FCHO2: variants seen among roughly 807,000 people sequenced by gnomAD.
The protein encoded by FCHO2 is F-BAR domain only protein 2.
A neutral mutation model predicts 114.1 loss-of-function variants in FCHO2; 43 were observed. The ratio of observed to expected loss-of-function variants is 0.38; its 90% CI spans 0.30 to 0.49. FCHO2 has a LOEUF of 0.49. FCHO2 is among the 20% of genes least tolerant of loss of function. The pLI is 0.97. For synonymous variants in FCHO2, 293 were observed against 315.2 expected (o/e 0.93, Z 0.75); for missense variants, 807 against 950.4 (o/e 0.85, Z 1.98).
chr5:73,024,262 A>G (rs776559909), intron 8 of FCHO2, among the ~76,000 whole-genome samples: 8 of 151,874 alleles, frequency 5.3e-5, no homozygotes, highest in Non-Finnish European at 1.0e-4. Context: ...GAATCTTACT[A>G]TGTTGTTCAG....
chr5:72,982,366 C>T (rs578074277), intron 2 of FCHO2, among the ~76,000 whole-genome samples: 20 of 152,322 alleles, frequency 1.3e-4, no homozygotes, highest in Non-Finnish European at 2.1e-4. Context: ...GCCATCTTGC[C>T]AGCTGCCCCC....
chr5:73,074,733 A>G lies in FCHO2; in HGVS notation c.1580-9A>G. ...GAAGGATTTAACAAGTTAATTGTGT[A>G]TATTCTAGGTGTGTCACGGGGTCCC... On this transcript the variant is annotated splice_polypyrimidine_tract_variant and intron_variant, in intron 19 of 25. Transcript: ENST00000430046. The G allele has an allele frequency of 1.2e-6, 2 of 1,606,996 alleles. No individual in the cohort carries two copies. Among genetic ancestry groups the G allele is most frequent in the Non-Finnish European group, 1.7e-6 (2 of 1,175,670 alleles).
chr5:73,051,377 A>G lies in FCHO2; in HGVS notation c.968A>G (p.Tyr323Cys), dbSNP rs1166150880. The change falls in exon 12 of 26, where the codon TAC becomes TGC. Residue 323 changes from tyrosine (Y) to cysteine (C), a missense_variant. Physicochemically the swap from Tyr to Cys is radical, Grantham distance 194. Transcript: ENST00000430046. ...LNIPDVDEEGYSIKPETNQND... is the reference protein window; with the variant it reads ...LNIPDVDEEGCSIKPETNQND... Reference sequence around the variant, plus strand: ...ATTCCTGATGTAGATGAAGAAGGCTACAGTATTAAACCAGAAACAAATCAG... The same window carrying G: ...ATTCCTGATGTAGATGAAGAAGGCTGCAGTATTAAACCAGAAACAAATCAG... 2 of 1,534,416 alleles carry G rather than the reference A, an allele frequency of 1.3e-6. No individual in the cohort carries two copies. Among genetic ancestry groups the G allele is most frequent in the Non-Finnish European group, 1.8e-6 (2 of 1,134,144 alleles).
At chr5:73,037,504 A>G (rs2112800922) in intron 10 of FCHO2, among the ~76,000 whole-genome samples, 1 of 152,216 alleles carries the variant, frequency 6.6e-6, no homozygotes, top group East Asian at 1.9e-4. Context: ...TGATAAATGC[A>G]TATTTTAAAA....
intron 24 of FCHO2, among the ~76,000 whole-genome samples, chr5:73,085,852 C>T (rs55869620): frequency 0.036 from 5,271 of 147,804 alleles, 154 homozygotes; most frequent in Non-Finnish European, 0.055. Flanking sequence ...AGGCTGGGCA[C>T]GGTGGCTCAC....
At position 73,089,953 on chromosome 5, in the gene FCHO2, C is replaced by A. The variant is rs766297545; in HGVS notation, c.*1863C>A. 1.3e-5 allele frequency: 2 copies of A among 152,506 alleles called. No individual in the cohort carries two copies. The highest frequency in any genetic ancestry group is 2.4e-5 in the African/African-American group (1 of 41,440). The allele number at this position is 152,506 out of a possible 1,614,324, so 9.4% of individuals were successfully genotyped here. ...GAATTTCTAACTCTTATATTGTGCT[C>A]TTTTAAATGCCAATTACAGTCCCTT... On this transcript the variant is annotated 3_prime_UTR_variant, in exon 26 of 26. Coordinates refer to ENST00000430046, the MANE Select transcript of FCHO2 (RefSeq NM_138782.3).
At chr5:73,048,810 T>C (rs1757194189) in intron 11 of FCHO2, among the ~76,000 whole-genome samples, 1 of 151,878 alleles carries the variant, frequency 6.6e-6, no homozygotes, top group Non-Finnish European at 1.5e-5. Flanking sequence ...AAAGTATGAA[T>C]ATGCCTTTCC....
chr5:73,020,536 G>T (rs952140216), intron 8 of FCHO2, among the ~76,000 whole-genome samples: 1 of 152,172 alleles, frequency 6.6e-6, no homozygotes, highest in Admixed American at 6.5e-5. Flanking sequence ...TGCATCAAAG[G>T]CAGGTTTGTG....
intron 8 of FCHO2, among the ~76,000 whole-genome samples, chr5:73,019,235 C>G (rs1755476754): frequency 6.6e-6 from 1 of 152,254 alleles, no homozygotes; most frequent in South Asian, 2.1e-4. Context: ...TTAACATTTG[C>G]CAAGTGTAAA....
chr5:73,015,896 A>G (rs1755282705), intron 7 of FCHO2, among the ~76,000 whole-genome samples, 172 bp downstream of exon 7: 1 of 152,132 alleles, frequency 6.6e-6, no homozygotes. Flanking sequence ...AATAAACTGG[A>G]TATTTTATCA....
At chr5:72,976,872 C>T (rs1237290779) in intron 2 of FCHO2, among the ~76,000 whole-genome samples, 1 of 148,894 alleles carries the variant, frequency 6.7e-6, no homozygotes, top group Non-Finnish European at 1.5e-5. Flanking sequence ...TGAGTGAGGA[C>T]ATGTGGTGTT....
At chr5:73,054,905 G>T (rs1757514437) in intron 15 of FCHO2, among the ~76,000 whole-genome samples, 1 of 151,946 alleles carries the variant, frequency 6.6e-6, no homozygotes, top group Non-Finnish European at 1.5e-5. Flanking sequence ...TTTAAGTTGT[G>T]TCACAATTAC....
At chr5:73,081,608 A>G (rs1743092554) in intron 22 of FCHO2, among the ~76,000 whole-genome samples, 175 bp from the exon 23 acceptor site, 1 of 152,226 alleles carries the variant, frequency 6.6e-6, no homozygotes, top group African/African-American at 2.4e-5. Context: ...GTAGGTCCCC[A>G]CATTGAGAAT....
intron 8 of FCHO2, among the ~76,000 whole-genome samples, chr5:73,030,874 A>T (rs1028559388): frequency 6.6e-6 from 1 of 152,246 alleles, no homozygotes; most frequent in Non-Finnish European, 1.5e-5. Context: ...TTTAAAACAC[A>T]TACTCCTGAA....
rs1009597899 is a variant in FCHO2 at position 73,083,175 on chromosome 5, C to T, written c.2245+350C>T. Among the ~76,000 whole-genome samples, 9 of 152,162 alleles carry T rather than the reference C, an allele frequency of 5.9e-5. No individual in the cohort carries two copies. In the South Asian group the frequency reaches 1.7e-3, roughly 28 times the overall value. ...CTGGGATTACAGGCGTGAGCCACTG[C>T]GCCTGGCCATGGGTGCACCGTTCCT... On this transcript the variant is annotated intron_variant, in intron 24 of 25. Coordinates refer to ENST00000430046, the MANE Select transcript of FCHO2 (RefSeq NM_138782.3).
intron 11 of FCHO2, among the ~76,000 whole-genome samples, chr5:73,049,867 T>C (rs929222141): frequency 4.6e-5 from 7 of 152,314 alleles, no homozygotes; most frequent in African/African-American, 1.7e-4. Context: ...TACACACATA[T>C]ACATATATAT....
In FCHO2 at chr5:73,081,901, C is replaced by G. The variant is rs755765322; in HGVS notation, c.2099C>G (p.Pro700Arg). 3 of 1,612,232 alleles carry G rather than the reference C, an allele frequency of 1.9e-6. No individual in the cohort carries two copies. Among genetic ancestry groups the G allele is most frequent in the Non-Finnish European group, 2.5e-6 (3 of 1,179,070 alleles). The change falls in exon 23 of 26, where the codon CCT becomes CGT. Residue 700 changes from proline (P) to arginine (R), a missense_variant. Physicochemically the swap from Pro to Arg is moderately radical, Grantham distance 103. Transcript: ENST00000430046. Reference protein sequence around the residue: ...YKYNPEAMVAPSVLSNIQVVV... With the variant: ...YKYNPEAMVARSVLSNIQVVV... Reference sequence around the variant, plus strand: ...TACAATCCAGAAGCTATGGTGGCACCTAGTGTGCTTTCCAACATACAGGTG... The same window carrying G: ...TACAATCCAGAAGCTATGGTGGCACGTAGTGTGCTTTCCAACATACAGGTG...
At chr5:73,081,332 A>G (rs1386776570) in intron 22 of FCHO2, among the ~76,000 whole-genome samples, 1 of 152,170 alleles carries the variant, frequency 6.6e-6, no homozygotes, top group Non-Finnish European at 1.5e-5. Context: ...TTGAAGTTGG[A>G]AGCATTCTAA....
intron 11 of FCHO2, among the ~76,000 whole-genome samples, chr5:73,043,422 ACAC>A (rs1239362678): frequency 6.6e-6 from 1 of 152,130 alleles, no homozygotes; most frequent in African/African-American, 2.4e-5. Flanking sequence ...ACACACACAC[ACAC>A]ATTGTATTAG....
Sources: gnomAD v4.1 joint callset for allele counts (sites outside exome capture counted in the v4.1 genomes callset) on GRCh38, gnomAD v4.1.1 for gene constraint, MANE v1.5 for transcripts, NCBI Gene and HGNC (gene_info 2026-07-23, HGNC 2026-07-21) for gene names.